Variants in LDLRAD3 observed in about 807,000 individuals in gnomAD.
LDLRAD3 encodes the protein low density lipoprotein receptor class A domain containing 3, also known as low-density lipoprotein receptor class A domain-containing protein 3.
A neutral mutation model predicts 29.4 loss-of-function variants in LDLRAD3; 20 were observed. The observed-to-expected ratio is 0.68, with a 90% CI of 0.48 to 0.99. The LOEUF (loss-of-function observed/expected upper bound fraction) is 0.99. LDLRAD3 is among the 50% of genes least tolerant of loss of function. LDLRAD3 has a pLI of 0.00. For missense variants in LDLRAD3, 420 were observed against 454.3 expected, an observed-to-expected ratio of 0.92 and a Z score of 0.69; for synonymous variants, 157 against 192.7, an observed-to-expected ratio of 0.81 and a Z score of 1.53.
intron 1 of LDLRAD3, among the ~76,000 whole-genome samples, chr11:36,011,148 G>A (rs1223783661): frequency 2.0e-5 from 3 of 152,118 alleles, no homozygotes; most frequent in African/African-American, 7.2e-5. Context: ...TTCTTCTGTG[G>A]CATTTATGAC....
intron 4 of LDLRAD3, among the ~76,000 whole-genome samples, chr11:36,202,539 G>C (rs184887313): frequency 6.6e-6 from 1 of 152,318 alleles, no homozygotes; most frequent in African/African-American, 2.4e-5. Context: ...GTAGCAAATG[G>C]CAGAGGGAGA....
intron 4 of LDLRAD3, among the ~76,000 whole-genome samples, chr11:36,099,264 C>G (rs1365243983): frequency 6.6e-6 from 1 of 152,090 alleles, no homozygotes; most frequent in Non-Finnish European, 1.5e-5. Context: ...TCATGTCCTC[C>G]CTAGTTAAAA....
At chr11:36,129,723 C>T (rs1853896988) in intron 4 of LDLRAD3, among the ~76,000 whole-genome samples, 1 of 152,150 alleles carries the variant, frequency 6.6e-6, no homozygotes, top group African/African-American at 2.4e-5. Context: ...CCCTAAGCCT[C>T]CTTCTTGGCC....
intron 1 of LDLRAD3, chr11:35,997,385 A>T (rs1851768367): frequency 2.2e-6 from 1 of 449,736 alleles, no homozygotes; most frequent in Admixed American, 2.5e-5. Flanking sequence ...ATTGTGTTTA[A>T]TGTTTTTCTG....
intron 4 of LDLRAD3, among the ~76,000 whole-genome samples, chr11:36,103,659 G>T (rs1418158217): frequency 2.6e-5 from 4 of 152,178 alleles, no homozygotes; most frequent in Non-Finnish European, 4.4e-5. Flanking sequence ...CCGAAGGTTT[G>T]GGCAACACCC....
At chr11:36,061,309 T>A (rs1440202286) in intron 2 of LDLRAD3, among the ~76,000 whole-genome samples, 1 of 152,144 alleles carries the variant, frequency 6.6e-6, no homozygotes, top group Non-Finnish European at 1.5e-5. Context: ...TGGCTAATTT[T>A]TGTATTTTTT....
chr11:36,103,571 C>A (rs889569821), intron 4 of LDLRAD3, among the ~76,000 whole-genome samples: 12 of 152,102 alleles, frequency 7.9e-5, no homozygotes, highest in Non-Finnish European at 1.8e-4. Flanking sequence ...GTGTATGTGT[C>A]CTGGACTCAC....
At chr11:36,085,106 A>G (rs1853175649) in intron 3 of LDLRAD3, among the ~76,000 whole-genome samples, 1 of 152,174 alleles carries the variant, frequency 6.6e-6, no homozygotes. Context: ...TCCTTTAGCA[A>G]TTCTTCTGAA....
intron 4 of LDLRAD3, among the ~76,000 whole-genome samples, chr11:36,133,633 A>G (rs1590295230): frequency 7.0e-6 from 1 of 143,086 alleles, no homozygotes; most frequent in South Asian, 2.2e-4. Context: ...TCCTGGGTTC[A>G]CGCCATTCTC....
At chr11:36,219,049 A>T (rs1298421070) in intron 4 of LDLRAD3, among the ~76,000 whole-genome samples, 1 of 152,260 alleles carries the variant, frequency 6.6e-6, no homozygotes, top group African/African-American at 2.4e-5. Flanking sequence ...CAGTGGGCCA[A>T]ATCTGACCTG....
chr11:36,020,322 C>T (rs1043122648), intron 1 of LDLRAD3, among the ~76,000 whole-genome samples: 1 of 152,036 alleles, frequency 6.6e-6, no homozygotes, highest in Non-Finnish European at 1.5e-5. Flanking sequence ...CCGCTCCTAC[C>T]TTTTAAAATA....
chr11:36,162,226 C>G lies in LDLRAD3; in HGVS notation c.454+63765C>G, dbSNP rs376055340. On this transcript the variant is annotated intron_variant, in intron 4 of 5. Coordinates refer to ENST00000315571, the MANE Select transcript of LDLRAD3 (RefSeq NM_174902.4). ...AAGTTGAGTTGGAGGAGCATCAAAGCTATTTTTGTAAGTTTCATCTACATT... is the reference window on the plus strand; with the variant it reads ...AAGTTGAGTTGGAGGAGCATCAAAGGTATTTTTGTAAGTTTCATCTACATT... 1.4e-4 allele frequency among the ~76,000 whole-genome samples: 21 copies of G among 152,232 alleles called. No homozygotes were observed. The East Asian group carries it at 3.7e-3, about 27-fold the overall frequency.
In LDLRAD3 at chr11:36,181,945, A is replaced by G. The variant is rs1413146359; in HGVS notation, c.455-45140A>G. Among the ~76,000 whole-genome samples, 9 of 149,738 alleles carry G rather than the reference A, an allele frequency of 6.0e-5. No individual in the cohort carries two copies. In the East Asian group the frequency reaches 1.7e-3, roughly 29 times the overall value. Reference sequence around the variant, plus strand: ...CTCACTGTTTCTCTCTCTGTAATACACATATGCACATCCTTATCTCACAAT... The same window carrying G: ...CTCACTGTTTCTCTCTCTGTAATACGCATATGCACATCCTTATCTCACAAT... On this transcript the variant is annotated intron_variant, in intron 4 of 5. Coordinates refer to ENST00000315571, the MANE Select transcript of LDLRAD3 (RefSeq NM_174902.4).
At chr11:36,032,153 A>T (rs545988316) in intron 1 of LDLRAD3, among the ~76,000 whole-genome samples, 49 of 152,272 alleles carry the variant, frequency 3.2e-4, no homozygotes, top group African/African-American at 1.1e-3. Flanking sequence ...AAAGATCCTC[A>T]TCTCCAAATA....
chr11:36,121,147 A>G (rs1302362441), intron 4 of LDLRAD3, among the ~76,000 whole-genome samples: 3 of 151,760 alleles, frequency 2.0e-5, no homozygotes, highest in Non-Finnish European at 2.9e-5. Context: ...TGAATATGCA[A>G]TTGGATGAAA....
At chr11:36,180,027 A>G (rs1484003920) in intron 4 of LDLRAD3, among the ~76,000 whole-genome samples, 3 of 152,110 alleles carry the variant, frequency 2.0e-5, no homozygotes, top group African/African-American at 7.2e-5. Context: ...AACAAAAAAC[A>G]ACATATGTAA....
At chr11:36,061,573 G>T (rs1273756390) in intron 2 of LDLRAD3, among the ~76,000 whole-genome samples, 1 of 152,134 alleles carries the variant, frequency 6.6e-6, no homozygotes, top group East Asian at 1.9e-4. Flanking sequence ...TAACTGGGGA[G>T]CTCCATTACA....
At chr11:36,216,087 A>G (rs938011895) in intron 4 of LDLRAD3, among the ~76,000 whole-genome samples, 16 of 152,178 alleles carry the variant, frequency 1.1e-4, no homozygotes, top group Non-Finnish European at 5.9e-5. Context: ...CTTGGCCATC[A>G]GTGATGATGA....
At chr11:36,172,130 C>T (rs554896057) in intron 4 of LDLRAD3, among the ~76,000 whole-genome samples, 5 of 152,028 alleles carry the variant, frequency 3.3e-5, no homozygotes, top group East Asian at 3.9e-4. Flanking sequence ...TCAGCTTGGT[C>T]GCTGTTGGTG....
Sources: gnomAD v4.1 joint callset for allele counts (sites outside exome capture counted in the v4.1 genomes callset) on GRCh38, gnomAD v4.1.1 for gene constraint, MANE v1.5 for transcripts, NCBI Gene and HGNC (gene_info 2026-07-23, HGNC 2026-07-21) for gene names.